Variants in KIAA1217 observed in about 807,000 individuals in gnomAD.
The protein encoded by KIAA1217 is sickle tail protein homolog.
KIAA1217 carries 88 observed loss-of-function variants against 163.9 expected under a neutral mutation model. The observed-to-expected ratio is 0.54, with a 90% CI of 0.45 to 0.64. The LOEUF (loss-of-function observed/expected upper bound fraction) is 0.64. Among genes scored for constraint, KIAA1217 ranks in the 30% least tolerant of loss-of-function variants. The pLI, the probability that KIAA1217 is intolerant of heterozygous loss-of-function variation, is 0.00. For missense variants in KIAA1217, 2,372 were observed against 2,475.0 expected, an observed-to-expected ratio of 0.96 and a Z score of 0.88; for synonymous variants, 903 against 923.1, an observed-to-expected ratio of 0.98 and a Z score of 0.39.
At chr10:23,705,559 GT>G (rs1388128513) in intron 1 of KIAA1217, among the ~76,000 whole-genome samples, 1 of 152,042 alleles carries the variant, frequency 6.6e-6, no homozygotes, top group Non-Finnish European at 1.5e-5. Flanking sequence ...AAATGTGAGG[GT>G]TTATTTATGG....
intron 2 of KIAA1217, among the ~76,000 whole-genome samples, chr10:24,257,564 T>G: frequency 6.6e-6 from 1 of 152,164 alleles, no homozygotes; most frequent in East Asian, 1.9e-4. Context: ...AAGTCTTGAT[T>G]TGAGAATCAA....
In KIAA1217 at chr10:24,529,714, G is replaced by A. The variant is rs188188380; in HGVS notation, c.3082+1595G>A. ...TCAGGTCTGTCTAGGGTCCTGGGCGGGGCGGCTCTTCTCACACAAAGTGAC... is the reference window on the plus strand; with the variant it reads ...TCAGGTCTGTCTAGGGTCCTGGGCGAGGCGGCTCTTCTCACACAAAGTGAC... On this transcript the variant is annotated intron_variant, in intron 14 of 20. Transcript: ENST00000376454. Among the ~76,000 whole-genome samples, 120 of 152,060 alleles carry A rather than the reference G, an allele frequency of 7.9e-4. No individual in the cohort carries two copies. In the East Asian group the frequency reaches 7.9e-3, roughly 10 times the overall value.
At chr10:24,196,919 G>A (rs987317228) in intron 2 of KIAA1217, among the ~76,000 whole-genome samples, 7 of 152,160 alleles carry the variant, frequency 4.6e-5, no homozygotes, top group African/African-American at 1.7e-4. Context: ...AGAGTTGGTT[G>A]CCTTTATTTA....
At chr10:24,370,852 A>G (rs776778206) in intron 2 of KIAA1217, among the ~76,000 whole-genome samples, 4 of 152,184 alleles carry the variant, frequency 2.6e-5, no homozygotes, top group Non-Finnish European at 4.4e-5. Flanking sequence ...TGCTGCAATT[A>G]TAGGTGTAAG....
chr10:23,849,642 G>A lies in KIAA1217; in HGVS notation c.-321+154408G>A, dbSNP rs149309530. ...TATATACGTAACAAACCTGCACGTT[G>A]TGCACATGTACCCTAGTACATAAAG... On this transcript the variant is annotated intron_variant, in intron 1 of 18. Coordinates refer to the KIAA1217 transcript ENST00000376462. Among the ~76,000 whole-genome samples, 151 of 152,164 alleles carry A rather than the reference G, an allele frequency of 9.9e-4. 1 individual carries two copies. In the East Asian group the frequency reaches 0.028, roughly 28 times the overall value.
At chr10:24,407,883 AT>A (rs149962457) in intron 3 of KIAA1217, among the ~76,000 whole-genome samples, 1,573 of 152,310 alleles carry the variant, frequency 0.01, 33 homozygotes, top group African/African-American at 0.036. Context: ...TAACAAAAAA[AT>A]AAAGAGGTTT....
upstream of KIAA1217, among the ~76,000 whole-genome samples, chr10:24,205,495 C>T (rs11013961): frequency 8.0e-5 from 12 of 150,794 alleles, no homozygotes; most frequent in Non-Finnish European, 1.5e-4. Context: ...GAAAAAATGC[C>T]GGGCGCGGTG....
At position 24,520,156 on chromosome 10, in the gene KIAA1217, G is replaced by A. The variant is rs1411895699; in HGVS notation, c.2211G>A (p.Lys737=). The change falls in exon 11 of 21, where the codon AAG becomes AAA. Residue 737 remains lysine (K), a synonymous_variant. Coordinates refer to ENST00000376454, the MANE Select transcript of KIAA1217 (RefSeq NM_019590.5). ...ELEDFVEDLK[K]DSTAASRLVT... is the part of the protein sequence containing the mutation. ...AAGACTTTGTTGAAGACTTGAAGAA[G>A]GACTCCACGGCAGCCAGCCGATTGG... is the stretch of plus-strand genomic sequence containing the variant. 4 of 1,614,058 alleles carry A rather than the reference G, an allele frequency of 2.5e-6. No individual in the cohort carries two copies. Among genetic ancestry groups the A allele is most frequent in the Admixed American group, 1.7e-5 (1 of 60,012 alleles).
At chr10:23,934,799 A>G (rs1320179779) in intron 1 of KIAA1217, among the ~76,000 whole-genome samples, 1 of 150,158 alleles carries the variant, frequency 6.7e-6, no homozygotes, top group Non-Finnish European at 1.5e-5. Context: ...TTGTATTTTT[A>G]GTAGAGACGG....
At chr10:24,351,646 G>T (rs913205933) in intron 2 of KIAA1217, among the ~76,000 whole-genome samples, 15 of 151,992 alleles carry the variant, frequency 9.9e-5, no homozygotes, top group African/African-American at 3.4e-4. Context: ...CGTTTTTTTC[G>T]TTTATGGACC....
At chr10:24,273,708 C>T (rs918361821) in intron 2 of KIAA1217, among the ~76,000 whole-genome samples, 2 of 151,732 alleles carry the variant, frequency 1.3e-5, no homozygotes, top group East Asian at 1.9e-4. Flanking sequence ...AAATATCAGC[C>T]GGGTGTGGTG....
intron 2 of KIAA1217, among the ~76,000 whole-genome samples, chr10:24,091,248 G>A (rs2061928153): frequency 6.6e-6 from 1 of 151,868 alleles, no homozygotes; most frequent in African/African-American, 2.4e-5. Flanking sequence ...GTCATTTCAG[G>A]TATTTCCCTG....
At chr10:24,494,423 C>A in intron 6 of KIAA1217, 77 bp from the exon 7 acceptor site, 4 of 1,213,626 alleles carry the variant, frequency 3.3e-6, no homozygotes, top group Admixed American at 1.8e-5. Flanking sequence ...TTTTATAACC[C>A]TCAGGTGGTG....
At chr10:24,533,906 G>A (rs1306375769) in intron 16 of KIAA1217, among the ~76,000 whole-genome samples, 1 of 152,250 alleles carries the variant, frequency 6.6e-6, no homozygotes, top group Non-Finnish European at 1.5e-5. Flanking sequence ...CATCACGGAT[G>A]TGATTCTACC....
At chr10:24,139,894 T>A (rs1159071741) in intron 2 of KIAA1217, among the ~76,000 whole-genome samples, 1 of 152,220 alleles carries the variant, frequency 6.6e-6, no homozygotes, top group East Asian at 1.9e-4. Flanking sequence ...TTTGGCACAG[T>A]AAGTGATTGA....
At chr10:23,745,375 A>G (rs1246815175) in intron 1 of KIAA1217, among the ~76,000 whole-genome samples, 3 of 152,218 alleles carry the variant, frequency 2.0e-5, no homozygotes, top group Non-Finnish European at 2.9e-5. Context: ...GTGCTAATGT[A>G]TGTAATAACA....
intron 1 of KIAA1217, among the ~76,000 whole-genome samples, chr10:23,700,121 A>G (rs1836331871): frequency 6.6e-6 from 1 of 152,164 alleles, no homozygotes; most frequent in Non-Finnish European, 1.5e-5. Flanking sequence ...ACGTGACCCT[A>G]ATATGCCTGC....
chr10:24,249,524 TACA>T (rs1224015267), intron 2 of KIAA1217, among the ~76,000 whole-genome samples: 3 of 152,324 alleles, frequency 2.0e-5, no homozygotes, highest in Admixed American at 1.3e-4. Flanking sequence ...ATAGGGTAAA[TACA>T]ACATTTTCTT....
At chr10:24,487,451 A>T (rs975514846) in intron 6 of KIAA1217, among the ~76,000 whole-genome samples, 1 of 152,262 alleles carries the variant, frequency 6.6e-6, no homozygotes, top group East Asian at 1.9e-4. Flanking sequence ...TCCCGAGGCC[A>T]TGAAGAAAAT....
Sources: gnomAD v4.1 joint callset for allele counts (sites outside exome capture counted in the v4.1 genomes callset) on GRCh38, gnomAD v4.1.1 for gene constraint, MANE v1.5 for transcripts, NCBI Gene and HGNC (gene_info 2026-07-23, HGNC 2026-07-21) for gene names.